Variants in CSMD1 observed in about 807,000 individuals in gnomAD.
The protein encoded by CSMD1 is CUB and Sushi multiple domains 1.
A neutral mutation model predicts 417.5 loss-of-function variants in CSMD1; 213 were observed. The ratio of observed to expected loss-of-function variants is 0.51; its 90% CI spans 0.46 to 0.57. CSMD1 has a LOEUF of 0.57. Ranked by LOEUF, CSMD1 falls within the 20% of genes least tolerant of loss-of-function variation. The pLI is 0.00. For synonymous variants in CSMD1, 2,862 were observed against 1,736.8 expected, an observed-to-expected ratio of 1.65 and a Z score of -16.11; for missense variants, 6,923 against 4,529.7, an observed-to-expected ratio of 1.53 and a Z score of -15.17.
chr8:4,579,333 C>CATAT (rs904580782), intron 2 of CSMD1, among the ~76,000 whole-genome samples: 2 of 150,812 alleles, frequency 1.3e-5, no homozygotes, highest in African/African-American at 2.4e-5. Context: ...TACATACATA[C>CATAT]ATATATATAT....
At chr8:3,049,277 G>A (rs1484945204) in intron 50 of CSMD1, among the ~76,000 whole-genome samples, 2 of 152,176 alleles carry the variant, frequency 1.3e-5, no homozygotes, top group African/African-American at 4.8e-5. Flanking sequence ...TAAAAACCTT[G>A]CACACAGATG....
At chr8:4,929,038 T>G (rs574166973) in intron 1 of CSMD1, among the ~76,000 whole-genome samples, 46 of 152,182 alleles carry the variant, frequency 3.0e-4, no homozygotes, top group African/African-American at 1.1e-3. Context: ...ACCACTGCAT[T>G]CCAGCCTGGG....
chr8:3,680,014 T>C (rs1311715788), intron 7 of CSMD1, among the ~76,000 whole-genome samples: 3 of 151,972 alleles, frequency 2.0e-5, no homozygotes, highest in African/African-American at 7.3e-5. Context: ...CATGCCAGAA[T>C]CTCTGGGACA....
chr8:4,832,206 G>A (rs767369369), intron 1 of CSMD1, among the ~76,000 whole-genome samples: 3 of 152,186 alleles, frequency 2.0e-5, no homozygotes, highest in Admixed American at 2.0e-4. Context: ...GTGTGGGAGG[G>A]TTTGGGAGGT....
At chr8:3,994,285 C>T (rs371095986) in intron 5 of CSMD1, among the ~76,000 whole-genome samples, 11 of 152,044 alleles carry the variant, frequency 7.2e-5, no homozygotes, top group South Asian at 4.1e-4. Flanking sequence ...GGAGTAAATG[C>T]TCCCTCAGTG....
At chr8:4,002,951 G>T (rs895568528) in intron 4 of CSMD1, among the ~76,000 whole-genome samples, 1 of 151,900 alleles carries the variant, frequency 6.6e-6, no homozygotes, top group African/African-American at 2.4e-5. Flanking sequence ...TGAATGTTAC[G>T]GAAGCAAAAA....
chr8:3,548,345 C>T (rs932929350), intron 10 of CSMD1, among the ~76,000 whole-genome samples: 15 of 152,030 alleles, frequency 9.9e-5, no homozygotes, highest in Non-Finnish European at 1.6e-4. Context: ...TATTTGGTTA[C>T]GTGATCGAGT....
At chr8:4,640,643 C>T (rs567754692) in intron 1 of CSMD1, among the ~76,000 whole-genome samples, 62 of 152,062 alleles carry the variant, frequency 4.1e-4, no homozygotes, top group Non-Finnish European at 6.6e-4. Flanking sequence ...CAGCTTCAAA[C>T]AAGTGGATTA....
intron 57 of CSMD1, among the ~76,000 whole-genome samples, chr8:2,968,336 G>A (rs907143795): frequency 6.6e-6 from 1 of 152,140 alleles, no homozygotes; most frequent in Non-Finnish European, 1.5e-5. Context: ...TGATGTTATT[G>A]TTACATTGTA....
At chr8:4,586,571 T>G (rs2130716537) in intron 2 of CSMD1, among the ~76,000 whole-genome samples, 1 of 152,176 alleles carries the variant, frequency 6.6e-6, no homozygotes, top group East Asian at 1.9e-4. Context: ...TTTTTAGCAT[T>G]TTTTTTGATG....
intron 5 of CSMD1, among the ~76,000 whole-genome samples, chr8:3,755,294 G>A (rs13264640): frequency 1.1e-3 from 163 of 152,136 alleles, no homozygotes; most frequent in Middle Eastern, 6.8e-3. Context: ...GTTACCCATT[G>A]TATAAACTGG....
intron 3 of CSMD1, among the ~76,000 whole-genome samples, chr8:4,121,279 T>A (rs1318344761): frequency 6.6e-6 from 1 of 151,906 alleles, no homozygotes; most frequent in Non-Finnish European, 1.5e-5. Context: ...CACACCCAGC[T>A]CGTTTTTGTA....
intron 2 of CSMD1, among the ~76,000 whole-genome samples, chr8:4,475,556 T>C (rs998288431): frequency 6.6e-6 from 1 of 152,152 alleles, no homozygotes. Flanking sequence ...TTGCAACCTA[T>C]ACGTCTTAAA....
chr8:3,258,433 C>T (rs894478974), intron 26 of CSMD1, among the ~76,000 whole-genome samples: 9 of 152,054 alleles, frequency 5.9e-5, no homozygotes, highest in African/African-American at 2.2e-4. Context: ...TACTGAAAAA[C>T]CGAGATATAA....
At chr8:3,836,094 T>A (rs1802681345) in intron 5 of CSMD1, among the ~76,000 whole-genome samples, 1 of 152,172 alleles carries the variant, frequency 6.6e-6, no homozygotes, top group Non-Finnish European at 1.5e-5. Context: ...TTTTTAAACT[T>A]TTACCTATGT....
intron 5 of CSMD1, among the ~76,000 whole-genome samples, chr8:3,938,429 G>C (rs1304236828): frequency 1.3e-5 from 2 of 152,266 alleles, no homozygotes; most frequent in African/African-American, 4.8e-5. Flanking sequence ...AAGAATAGTA[G>C]AGCTTAATGT....
rs141913755 is a variant in CSMD1, at chr8:4,012,156, A to C, written c.611-14046T>G. On this transcript the variant is annotated intron_variant, in intron 4 of 69. Transcript: ENST00000635120. ...ATATTTTTCATCCACATTTCATTGA[A>C]ACTGGATGCAGAACCCACCAGTAAA... Among the ~76,000 whole-genome samples the C allele has an allele frequency of 4.7e-4, 71 of 152,280 alleles. 1 individual carries two copies. The highest frequency in any genetic ancestry group is 1.6e-3 in the African/African-American group (67 of 41,522).
intron 7 of CSMD1, among the ~76,000 whole-genome samples, chr8:3,669,883 C>T (rs1043459406): frequency 5.9e-5 from 9 of 152,112 alleles, no homozygotes; most frequent in Admixed American, 5.2e-4. Flanking sequence ...GATCAAGCAC[C>T]TCCTTCCTTC....
intron 54 of CSMD1, 36 bp downstream of exon 54, chr8:2,997,975 C>T (rs575048694): frequency 6.3e-7 from 1 of 1,595,840 alleles, no homozygotes; most frequent in African/African-American, 1.3e-5. Flanking sequence ...AGAACACTCT[C>T]AGAGCAAAGG....
Sources: allele counts gnomAD v4.1 joint callset (sites outside exome capture counted in the v4.1 genomes callset), GRCh38; gene constraint gnomAD v4.1.1; transcripts MANE v1.5; gene names NCBI Gene and HGNC (gene_info 2026-07-23, HGNC 2026-07-21).